Variants in RBFA observed in about 807,000 individuals in gnomAD.
RBFA encodes ribosome binding factor A, also known as putative ribosome-binding factor A, mitochondrial.
Under a neutral mutation model 27.9 loss-of-function variants are expected in RBFA, and 16 were observed. The observed-to-expected ratio is 0.57, with a 90% CI of 0.39 to 0.87. The LOEUF (loss-of-function observed/expected upper bound fraction) is 0.87, where lower values mean the gene tolerates loss of function less well. Ranked by LOEUF, RBFA falls within the 40% of genes least tolerant of loss-of-function variation. The pLI is 0.00. For missense variants in RBFA, 456 were observed against 432.1 expected (o/e 1.06, Z -0.49); for synonymous variants, 181 against 181.0 (o/e 1.00, Z 0.00).
In RBFA at chr18:80,048,031, A is replaced by G. The variant is rs2052068313; in HGVS notation, c.*1876A>G. The stretch of plus-strand genomic sequence containing the variant: ...CTATGTGAATTCATTTATGTACAAG[A>G]GACCTCCCCATCCTGATGTAGGAAA... On this transcript the variant is annotated 3_prime_UTR_variant, in exon 7 of 7. Coordinates refer to ENST00000306735, the MANE Select transcript of RBFA (RefSeq NM_024805.3). 1 of 152,250 alleles carries G rather than the reference A, an allele frequency of 6.6e-6. No homozygotes were observed. The highest frequency in any genetic ancestry group is 1.9e-4 in the East Asian group (1 of 5,206). 9.4% of individuals were successfully genotyped at this position (152,250 alleles called of 1,614,324 possible).
At chr18:80,038,818 G>T (rs1206352613) in intron 4 of RBFA, among the ~76,000 whole-genome samples, 1 of 152,186 alleles carries the variant, frequency 6.6e-6, no homozygotes, top group African/African-American at 2.4e-5. Flanking sequence ...ATTAAAGTGT[G>T]CCAGGATCAC....
Position 80,038,714 on chromosome 18 carries a change from T to C in RBFA, c.491+97T>C, listed in dbSNP as rs114944457. On this transcript the variant is annotated intron_variant, in intron 4 of 6. Transcript: ENST00000306735. ...AGGTGGACTTGAACTTTTCATTGAG[T>C]ATTTTTGCTTTTAAAGAAAATTTTG... is the stretch of plus-strand genomic sequence containing the variant. 2.2e-3 allele frequency: 1,971 copies of C among 876,080 alleles called. 31 individuals carry two copies. In the African/African-American group the frequency reaches 0.029, roughly 13 times the overall value. 54.3% of individuals were successfully genotyped at this position (876,080 alleles called of 1,614,324 possible).
rs1005351690 is a variant in RBFA, at chr18:80,038,573, C to T, written c.447C>T (p.Asn149=). 1.6e-5 allele frequency: 26 copies of T among 1,614,000 alleles called. No homozygotes were observed. Among genetic ancestry groups the T allele is most frequent in the Non-Finnish European group, 2.0e-5 (24 of 1,179,968 alleles). ...YWKTTLSAEQ[N]AHMEAVLQRS... is the part of the protein sequence containing the mutation. Reference sequence around the variant, plus strand: ...AGACAACGCTCTCTGCTGAGCAGAACGCACACATGGAGGCTGTCCTGCAGA... The same window carrying T: ...AGACAACGCTCTCTGCTGAGCAGAATGCACACATGGAGGCTGTCCTGCAGA... The change falls in exon 4 of 7, where the codon AAC becomes AAT. Residue 149 remains asparagine, a synonymous_variant. Coordinates refer to ENST00000306735, the MANE Select transcript of RBFA (RefSeq NM_024805.3).
At chr18:80,038,645 T>G (rs753864236) in intron 4 of RBFA, 28 bp downstream of exon 4, 3 of 1,518,150 alleles carry the variant, frequency 2.0e-6, no homozygotes, top group Non-Finnish European at 9.1e-7. Flanking sequence ...CTGAATGTAC[T>G]TGCTTTTTGC....
chr18:80,037,568 C>G, intron 3 of RBFA, 62 bp downstream of exon 3: 1 of 1,443,440 alleles, frequency 6.9e-7, no homozygotes, highest in Non-Finnish European at 9.5e-7. Flanking sequence ...CTTACTTTAC[C>G]TGGCCCAGTC....
chr18:80,036,598 C>G (rs1422889833), intron 1 of RBFA, 70 bp from the exon 2 acceptor site: 2 of 1,144,622 alleles, frequency 1.7e-6, no homozygotes, highest in Admixed American at 3.5e-5. Flanking sequence ...GGTATCATAA[C>G]CTCTTAAATT....
rs2052071656 is a variant in RBFA, at chr18:80,048,490, T to C, written c.*2335T>C. On this transcript the variant is annotated 3_prime_UTR_variant, in exon 7 of 7. Transcript: ENST00000306735. ...ATTGTTACAAAACAGATTGCTGCCA[T>C]CAATTTGTCTCAGGTCCTTCTAGCA... Among the ~76,000 whole-genome samples, 1 of 152,192 alleles carries C rather than the reference T, an allele frequency of 6.6e-6. No individual in the cohort carries two copies. The highest frequency in any genetic ancestry group is 2.4e-5 in the African/African-American group (1 of 41,430).
At chr18:80,037,142 G>A (rs1478498566) in intron 2 of RBFA, 188 bp from the exon 3 acceptor site, 31 of 508,310 alleles carry the variant, frequency 6.1e-5, no homozygotes, top group African/African-American at 5.3e-4. Context: ...ATCTTGGAGG[G>A]TTACCAGGTA....
At chr18:80,040,429 G>T (rs1035357134) in intron 4 of RBFA, among the ~76,000 whole-genome samples, 1 of 151,782 alleles carries the variant, frequency 6.6e-6, no homozygotes, top group Admixed American at 6.6e-5. Flanking sequence ...TGTATTTTTT[G>T]TAGAGATAGG....
rs1190853449 is a variant in RBFA, at chr18:80,046,373, A to G, written c.*218A>G. On this transcript the variant is annotated 3_prime_UTR_variant, in exon 7 of 7. Coordinates refer to ENST00000306735, the MANE Select transcript of RBFA (RefSeq NM_024805.3). ...AATTTAAAAATTAAATGGCCATCTT[A>G]TCACAGATTCTCACAAAAAGAAAAT... 4 of 574,540 alleles carry G rather than the reference A, an allele frequency of 7.0e-6. No individual in the cohort carries two copies. Among genetic ancestry groups the G allele is most frequent in the Non-Finnish European group, 1.2e-5 (4 of 328,848 alleles). The allele number at this position is 574,540 out of a possible 1,614,324, so 35.6% of individuals were successfully genotyped here.
rs778071460 is a variant in RBFA, at chr18:80,037,504, A to G, written c.376A>G (p.Lys126Glu). The change falls in exon 3 of 7, where the codon AAG becomes GAG. Residue 126 changes from lysine to glutamate, a missense_variant and splice_region_variant. Lys to Glu is a moderately conservative substitution (Grantham distance 56). Coordinates refer to ENST00000306735, the MANE Select transcript of RBFA (RefSeq NM_024805.3). ...GTATGACCTTAACGTGGAGCTCTCCAAGGTAGGCTGTGTGGCCAAAGAGAA... is the reference window on the plus strand; with the variant it reads ...GTATGACCTTAACGTGGAGCTCTCCGAGGTAGGCTGTGTGGCCAAAGAGAA... ...ELYDLNVELSKVSLTPDFSAC... is the reference protein window; with the variant it reads ...ELYDLNVELSEVSLTPDFSAC... 6.2e-7 allele frequency: 1 copy of G among 1,601,372 alleles called. No homozygotes were observed. The highest frequency in any genetic ancestry group is 1.7e-5 in the Admixed American group (1 of 59,620).
chr18:80,036,976 G>A (rs962448072), intron 2 of RBFA, among the ~76,000 whole-genome samples: 6 of 152,192 alleles, frequency 3.9e-5, no homozygotes, highest in African/African-American at 1.4e-4. Flanking sequence ...TACTGTAAAA[G>A]TTTATACAAT....
chr18:80,044,247 C>A lies in RBFA; in HGVS notation c.612C>A (p.Pro204=). The A allele has an allele frequency of 6.2e-7, 1 of 1,614,206 alleles. No individual in the cohort carries two copies. The highest frequency in any genetic ancestry group is 2.2e-5 in the East Asian group (1 of 44,878). ...TACTGGCAGTCGCAGACTTTGGACC[C>A]CGGGATGAAAGAGACAACTTTGTAC... is the stretch of plus-strand genomic sequence containing the variant. ...DQLLAVADFG[P]RDERDNFVQN... is the part of the protein sequence containing the mutation. Residue 204 remains proline (P), a synonymous_variant, in exon 6 of 7, where the codon CCC becomes CCA. Transcript: ENST00000306735.
chr18:80,042,481 A>G (rs936995995), intron 5 of RBFA, among the ~76,000 whole-genome samples: 1 of 152,026 alleles, frequency 6.6e-6, no homozygotes, highest in Non-Finnish European at 1.5e-5. Flanking sequence ...CAGTTAAAAA[A>G]GAGAAGAGGC....
chr18:80,049,316 T>C lies in RBFA; in HGVS notation c.*3161T>C, dbSNP rs939779276. Reference sequence around the variant, plus strand: ...TCCTGGGGATTTCCACGGCCTTTCCTGGGAGCAGGTTAGGGACATGGAAGC... The same window carrying C: ...TCCTGGGGATTTCCACGGCCTTTCCCGGGAGCAGGTTAGGGACATGGAAGC... On this transcript the variant is annotated 3_prime_UTR_variant, in exon 7 of 7. Transcript: ENST00000306735. Among the ~76,000 whole-genome samples, 1 of 152,038 alleles carries C rather than the reference T, an allele frequency of 6.6e-6. No homozygotes were observed. Among genetic ancestry groups the C allele is most frequent in the Non-Finnish European group, 1.5e-5 (1 of 68,006 alleles).
chr18:80,041,054 T>G (rs1176673162), intron 4 of RBFA, among the ~76,000 whole-genome samples: 4 of 152,144 alleles, frequency 2.6e-5, no homozygotes, highest in African/African-American at 9.7e-5. Flanking sequence ...GGGACAGACG[T>G]AGAAAAGGTG....
intron 4 of RBFA, among the ~76,000 whole-genome samples, chr18:80,040,697 T>C (rs78232723): frequency 6.6e-6 from 1 of 152,176 alleles, no homozygotes; most frequent in South Asian, 2.1e-4. Flanking sequence ...TATATATATA[T>C]TTTTTGTTAA....
Position 80,046,594 on chromosome 18 carries a change from C to G in RBFA, c.*439C>G, listed in dbSNP as rs1033141682. Among the ~76,000 whole-genome samples, 1 of 152,172 alleles carries G rather than the reference C, an allele frequency of 6.6e-6. No individual in the cohort carries two copies. The highest frequency in any genetic ancestry group is 1.5e-5 in the Non-Finnish European group (1 of 68,028). On this transcript the variant is annotated 3_prime_UTR_variant, in exon 7 of 7. Coordinates refer to ENST00000306735, the MANE Select transcript of RBFA (RefSeq NM_024805.3). Reference sequence around the variant, plus strand: ...GAGCTGGGCTCCGTCCCTGGGGCTGCTGGGCTGGCACGTGGCGCCGGGGGC... The same window carrying G: ...GAGCTGGGCTCCGTCCCTGGGGCTGGTGGGCTGGCACGTGGCGCCGGGGGC...
chr18:80,036,885 C>T (rs888165267), intron 2 of RBFA, among the ~76,000 whole-genome samples, 175 bp downstream of exon 2: 6 of 152,170 alleles, frequency 3.9e-5, no homozygotes, highest in Non-Finnish European at 7.4e-5. Context: ...AAAAAATGTA[C>T]TGACATTAAT....
Sources: allele counts gnomAD v4.1 joint callset (sites outside exome capture counted in the v4.1 genomes callset), GRCh38; gene constraint gnomAD v4.1.1; transcripts MANE v1.5; gene names NCBI Gene and HGNC (gene_info 2026-07-23, HGNC 2026-07-21).